Variants in AR observed in about 807,000 individuals in gnomAD.
AR encodes dihydrotestosterone receptor.
Under a neutral mutation model 53.9 loss-of-function variants are expected in AR, and 8 were observed. That is an observed-to-expected ratio of 0.15 (90% CI 0.09 to 0.27). The LOEUF (loss-of-function observed/expected upper bound fraction) is 0.27. Ranked by LOEUF, AR falls within the 10% of genes least tolerant of loss-of-function variation. The pLI is 1.00. For synonymous variants in AR, 359 were observed against 316.4 expected, an observed-to-expected ratio of 1.13 and a Z score of -1.43; for missense variants, 639 against 742.5, an observed-to-expected ratio of 0.86 and a Z score of 1.62.
At chrX:67,684,344 T>C (rs2075953855) in intron 2 of AR, among the ~76,000 whole-genome samples, 2 of 112,039 alleles carry the variant, frequency 1.8e-5, no homozygotes, top group Admixed American at 1.9e-4. Flanking sequence ...TAAAATCTTG[T>C]GGTATGCTAG....
intron 1 of AR, among the ~76,000 whole-genome samples, chrX:67,639,789 T>C (rs781744461): frequency 6.3e-5 from 7 of 111,755 alleles, no homozygotes; most frequent in African/African-American, 2.0e-4. Context: ...CTTCCTGTTT[T>C]CCTATTTGAA....
intron 1 of AR, among the ~76,000 whole-genome samples, chrX:67,613,922 T>C (rs1399993346): frequency 1.8e-5 from 2 of 112,408 alleles, no homozygotes; most frequent in Admixed American, 1.9e-4. Flanking sequence ...CTAAACTCCC[T>C]GAAGTGTGAA....
At chrX:67,589,539 C>G (rs1369595253) in intron 1 of AR, among the ~76,000 whole-genome samples, 1 of 111,879 alleles carries the variant, frequency 8.9e-6, no homozygotes, top group Non-Finnish European at 1.9e-5. Context: ...CTGTTGTATT[C>G]ACTGTTGCCT....
rs147514789 is a variant in AR at position 67,660,762 on chromosome X, T to A, written c.1768+17355T>A. 5.8e-3 allele frequency among the ~76,000 whole-genome samples: 648 copies of A among 111,912 alleles called. 7 individuals carry two copies. The highest frequency in any genetic ancestry group is 0.02 in the African/African-American group (617 of 30,798). ...CCATTTCTGTGAAGAAAGTCATGGG[T>A]AGCTTGATGAGGATGGCATTGAATC... On this transcript the variant is annotated intron_variant, in intron 2 of 7. Transcript: ENST00000374690.
chrX:67,663,230 T>C (rs901559232), intron 2 of AR, among the ~76,000 whole-genome samples: 2 of 112,134 alleles, frequency 1.8e-5, no homozygotes, highest in African/African-American at 6.5e-5. Context: ...CGACGGTCTT[T>C]ACAATTTGGT....
intron 1 of AR, among the ~76,000 whole-genome samples, chrX:67,619,907 T>C (rs1206637775): frequency 9.0e-6 from 1 of 110,667 alleles, no homozygotes; most frequent in Non-Finnish European, 1.9e-5. Context: ...TTCTCCCAAG[T>C]GTTTAAGGCT....
intron 1 of AR, among the ~76,000 whole-genome samples, chrX:67,620,297 G>C (rs893783023): frequency 1.8e-5 from 2 of 109,402 alleles, no homozygotes; most frequent in Non-Finnish European, 3.8e-5. Flanking sequence ...ATACATTTTG[G>C]GTAAGGGCAA....
intron 1 of AR, among the ~76,000 whole-genome samples, chrX:67,630,163 G>A (rs1452030656): frequency 1.6e-4 from 18 of 110,923 alleles, no homozygotes; most frequent in African/African-American, 5.6e-4. Flanking sequence ...TCTGCTTGGT[G>A]CAGAGCTGAG....
rs1489402095 is a variant in AR, at chrX:67,705,779, G to T, written c.1886-5623G>T. Among the ~76,000 whole-genome samples, 8 of 111,253 alleles carry T rather than the reference G, an allele frequency of 7.2e-5. No homozygotes were observed. In the East Asian group the frequency reaches 2.3e-3, roughly 32 times the overall value. On this transcript the variant is annotated intron_variant, in intron 3 of 7. Coordinates refer to ENST00000374690, the MANE Select transcript of AR (RefSeq NM_000044.6). Reference sequence around the variant, plus strand: ...CCTATTCAGTATGATATTGGCTGTGGGTTTGTCATAAATAGCTCTTATTAT... The same window carrying T: ...CCTATTCAGTATGATATTGGCTGTGTGTTTGTCATAAATAGCTCTTATTAT...
intron 1 of AR, among the ~76,000 whole-genome samples, chrX:67,630,665 A>G (rs1346947101): frequency 9.3e-6 from 1 of 108,096 alleles, no homozygotes; most frequent in Non-Finnish European, 1.9e-5. Context: ...GTTATGTGTG[A>G]ATTTTATCCT....
intron 2 of AR, among the ~76,000 whole-genome samples, chrX:67,661,923 G>A (rs1479229152): frequency 9.9e-5 from 11 of 111,376 alleles, no homozygotes; most frequent in African/African-American, 1.6e-4. Context: ...GTCTTGGGAT[G>A]GTGTATGTGT....
At chrX:67,689,291 TTAAGA>T (rs1175301462) in intron 3 of AR, among the ~76,000 whole-genome samples, 2 of 111,459 alleles carry the variant, frequency 1.8e-5, no homozygotes, top group Admixed American at 9.6e-5. Flanking sequence ...TCACACCTAC[TTAAGA>T]TATCTGTCTA....
chrX:67,645,727 A>AAC (rs1469155330), intron 2 of AR, among the ~76,000 whole-genome samples: 13 of 109,899 alleles, frequency 1.2e-4, no homozygotes, highest in African/African-American at 3.3e-4. Context: ...TGGTTTAGAA[A>AAC]ACACACACAC....
intron 2 of AR, among the ~76,000 whole-genome samples, chrX:67,682,376 C>A (rs979616352): frequency 9.0e-6 from 1 of 111,415 alleles, no homozygotes; most frequent in African/African-American, 3.3e-5. Context: ...CCACGACCTC[C>A]CAGGCATAAA....
intron 3 of AR, among the ~76,000 whole-genome samples, chrX:67,708,472 G>A (rs759917512): frequency 5.3e-4 from 59 of 111,477 alleles, no homozygotes; most frequent in Non-Finnish European, 9.6e-4. Context: ...TATAGTTCTC[G>A]TGCCATGGTT....
intron 1 of AR, among the ~76,000 whole-genome samples, chrX:67,629,912 G>C (rs1924968799): frequency 9.0e-6 from 1 of 111,239 alleles, no homozygotes; most frequent in South Asian, 3.8e-4. Flanking sequence ...AGTCATTCAG[G>C]AGCAGGTTGT....
At chrX:67,672,748 C>T (rs2075873706) in intron 2 of AR, among the ~76,000 whole-genome samples, 1 of 111,320 alleles carries the variant, frequency 9.0e-6, no homozygotes, top group Non-Finnish European at 1.9e-5. Context: ...TTGATTGGTT[C>T]ATCTCATAGT....
At chrX:67,600,102 A>C (rs1341204605) in intron 1 of AR, among the ~76,000 whole-genome samples, 1 of 111,611 alleles carries the variant, frequency 9.0e-6, no homozygotes, top group Non-Finnish European at 1.9e-5. Context: ...GCATAGAAAA[A>C]GCTATGAGGG....
At chrX:67,658,365 TAGTAGA>T (rs745566101) in intron 2 of AR, among the ~76,000 whole-genome samples, 7 of 112,102 alleles carry the variant, frequency 6.2e-5, no homozygotes, top group Non-Finnish European at 1.1e-4. Flanking sequence ...GAGGAAGGGA[TAGTAGA>T]GAGAAATGTA....
Sources: gnomAD v4.1 joint callset for allele counts (sites outside exome capture counted in the v4.1 genomes callset) on GRCh38, gnomAD v4.1.1 for gene constraint, MANE v1.5 for transcripts, NCBI Gene and HGNC (gene_info 2026-07-23, HGNC 2026-07-21) for gene names.